DIP2A: variants seen among roughly 807,000 people sequenced by gnomAD.
DIP2A encodes the protein disco-interacting protein 2 homolog A.
In DIP2A, 85 loss-of-function variants were observed where a neutral mutation model predicts 177.4. That is an observed-to-expected ratio of 0.48 (90% CI 0.40 to 0.57). The LOEUF (loss-of-function observed/expected upper bound fraction) is 0.57, where lower values mean the gene tolerates loss of function less well. DIP2A is among the 20% of genes least tolerant of loss of function. DIP2A has a pLI of 0.00. For missense variants in DIP2A, 1,791 were observed against 2,100.2 expected (o/e 0.85, Z 2.88); for synonymous variants, 886 against 881.8 (o/e 1.00, Z -0.08).
At chr21:46,561,542 C>T (rs1026525567) in intron 33 of DIP2A, 20 of 680,004 alleles carry the variant, frequency 2.9e-5, no homozygotes, top group African/African-American at 1.3e-4. Context: ...GGGTGGGTGG[C>T]GAGTGCATGC....
intron 25 of DIP2A, 138 bp downstream of exon 25, chr21:46,552,042 C>G (rs1268284824): frequency 9.7e-7 from 1 of 1,031,880 alleles, no homozygotes; most frequent in East Asian, 2.6e-5. Flanking sequence ...AGCCCCCGTC[C>G]TGGTTGTTCT....
At chr21:46,546,262 T>C in intron 20 of DIP2A, 3 of 1,184,080 alleles carry the variant, frequency 2.5e-6, no homozygotes, top group Non-Finnish European at 3.1e-6. Context: ...TTCTTTACCA[T>C]TTTGGATGTC....
At chr21:46,500,069 G>A (rs1385444562) in intron 5 of DIP2A, among the ~76,000 whole-genome samples, 5 of 152,210 alleles carry the variant, frequency 3.3e-5, no homozygotes, top group Admixed American at 6.5e-5. Context: ...GGTATGTTGG[G>A]TGGCCCACAG....
At chr21:46,463,910 A>G (rs1470758357) in intron 1 of DIP2A, among the ~76,000 whole-genome samples, 1 of 151,330 alleles carries the variant, frequency 6.6e-6, no homozygotes, top group African/African-American at 2.4e-5. Flanking sequence ...GGATTTCACC[A>G]TATTGGCCAG....
At chr21:46,566,021 C>A in intron 36 of DIP2A, 134 bp downstream of exon 36, 1 of 1,076,910 alleles carries the variant, frequency 9.3e-7, no homozygotes, top group Non-Finnish European at 1.3e-6. Context: ...GGAAGATGTT[C>A]TGACAGCAGT....
rs773818226 is a variant in DIP2A, at chr21:46,511,604, T to C, written c.1092T>C (p.Thr364=). Residue 364 remains threonine (T), a synonymous_variant, in exon 8 of 38, where the codon ACT becomes ACC. Coordinates refer to ENST00000417564, the MANE Select transcript of DIP2A (RefSeq NM_015151.4). ...ATACAACTGGGAAAGCCGTCTACAC[T>C]CTCACCTATGGCAAGTGTTAACAGA... The part of the protein sequence containing the change: ...ALDTTGKAVY[T]LTYGKLWSRS... 6 of 1,540,696 alleles carry C rather than the reference T, an allele frequency of 3.9e-6. No individual in the cohort carries two copies. Among genetic ancestry groups the C allele is most frequent in the Non-Finnish European group, 8.7e-7 (1 of 1,147,440 alleles).
intron 34 of DIP2A, among the ~76,000 whole-genome samples, chr21:46,562,948 G>A (rs1014750752): frequency 6.6e-6 from 1 of 152,192 alleles, no homozygotes; most frequent in Non-Finnish European, 1.5e-5. Flanking sequence ...CCTCCACGTC[G>A]CTCTTTTCCC....
At chr21:46,503,388 C>T (rs1457540188) in intron 5 of DIP2A, among the ~76,000 whole-genome samples, 1 of 150,464 alleles carries the variant, frequency 6.6e-6, no homozygotes, top group African/African-American at 2.4e-5. Context: ...TTTTAACTGG[C>T]AGTGGGGGAA....
chr21:46,530,105 G>A (rs941550710), intron 9 of DIP2A, among the ~76,000 whole-genome samples: 2 of 152,198 alleles, frequency 1.3e-5, no homozygotes, highest in South Asian at 4.1e-4. Context: ...AGAAACTTCT[G>A]TTGGACAGTA....
chr21:46,471,317 C>T (rs770059341), intron 1 of DIP2A, among the ~76,000 whole-genome samples: 4 of 152,216 alleles, frequency 2.6e-5, no homozygotes, highest in Non-Finnish European at 4.4e-5. Flanking sequence ...AGGCATGAGC[C>T]ACTGTGCCTG....
intron 8 of DIP2A, among the ~76,000 whole-genome samples, chr21:46,515,922 A>G (rs754437983): frequency 4.0e-5 from 6 of 151,748 alleles, no homozygotes; most frequent in Non-Finnish European, 8.8e-5. Flanking sequence ...GAGATTCTGT[A>G]TTTTCCTGGG....
intron 8 of DIP2A, among the ~76,000 whole-genome samples, chr21:46,520,121 A>G (rs959516807): frequency 3.3e-5 from 5 of 151,940 alleles, no homozygotes; most frequent in African/African-American, 4.8e-5. Context: ...TGATACACCC[A>G]TCTCGGCCTC....
chr21:46,466,101 C>T (rs1476536469), intron 1 of DIP2A, among the ~76,000 whole-genome samples: 4 of 152,064 alleles, frequency 2.6e-5, no homozygotes, highest in Non-Finnish European at 4.4e-5. Context: ...CAATAGTTAA[C>T]GACTTCTTTG....
chr21:46,489,996 C>T (rs1165195070), intron 2 of DIP2A, among the ~76,000 whole-genome samples: 4 of 152,152 alleles, frequency 2.6e-5, no homozygotes, highest in Non-Finnish European at 5.9e-5. Flanking sequence ...GGAGGCGGAG[C>T]AAGTGGGTGG....
At chr21:46,504,851 C>T (rs116585649) in intron 6 of DIP2A, among the ~76,000 whole-genome samples, 1,656 of 152,250 alleles carry the variant, frequency 0.011, 26 homozygotes, top group African/African-American at 0.038. Context: ...TTAGTCAGTG[C>T]GAGTGCACAC....
chr21:46,486,241 G>C (rs952342747), intron 2 of DIP2A, among the ~76,000 whole-genome samples: 5 of 152,186 alleles, frequency 3.3e-5, no homozygotes, highest in Non-Finnish European at 5.9e-5. Flanking sequence ...GTCTTACTCT[G>C]TTGCTCAGGC....
At chr21:46,552,237 T>C (rs1251366210) in intron 25 of DIP2A, among the ~76,000 whole-genome samples, 2 of 152,244 alleles carry the variant, frequency 1.3e-5, no homozygotes, top group African/African-American at 4.8e-5. Context: ...CATGTAAATA[T>C]TCCTAAGTTT....
At chr21:46,541,117 A>G (rs569822788) in intron 17 of DIP2A, among the ~76,000 whole-genome samples, 11 of 151,382 alleles carry the variant, frequency 7.3e-5, no homozygotes, top group African/African-American at 2.2e-4. Flanking sequence ...CTTTTGTTCT[A>G]TGGTGATTTG....
chr21:46,566,433 G>A (rs1345233338), intron 36 of DIP2A, 127 bp from the exon 37 acceptor site: 5 of 1,289,986 alleles, frequency 3.9e-6, no homozygotes, highest in South Asian at 1.4e-5. Context: ...CGTGGTGTGC[G>A]ACCTCATGAT....
Sources: gnomAD v4.1 joint callset for allele counts (sites outside exome capture counted in the v4.1 genomes callset) on GRCh38, gnomAD v4.1.1 for gene constraint, MANE v1.5 for transcripts, NCBI Gene and HGNC (gene_info 2026-07-23, HGNC 2026-07-21) for gene names.